Variants in GPHN observed in about 807,000 individuals in gnomAD.
GPHN encodes the protein gephyrin.
In GPHN, 17 loss-of-function variants were observed where a neutral mutation model predicts 95.5. The ratio of observed to expected loss-of-function variants is 0.18; its 90% CI spans 0.12 to 0.27. The LOEUF is 0.27. GPHN is among the 10% of genes least tolerant of loss of function. GPHN has a pLI of 1.00. For synonymous variants in GPHN, 320 were observed against 322.5 expected, an observed-to-expected ratio of 0.99 and a Z score of 0.08; for missense variants, 660 against 978.1, an observed-to-expected ratio of 0.67 and a Z score of 4.34.
the GPHN span, chr14:67,571,825 C>T: frequency 1.2e-6 from 2 of 1,613,718 alleles, no homozygotes; most frequent in African/African-American, 1.3e-5. Flanking sequence ...AGCTCTCAGG[C>T]GAGTTTCCGA....
At chr14:67,014,335 A>AT (rs1211055869) in intron 9 of GPHN, among the ~76,000 whole-genome samples, 6 of 152,146 alleles carry the variant, frequency 3.9e-5, no homozygotes, top group African/African-American at 1.2e-4. Flanking sequence ...ACGTGAAGTT[A>AT]TGACTTATAC....
intron 9 of GPHN, among the ~76,000 whole-genome samples, chr14:67,015,707 A>G (rs905892710): frequency 6.6e-6 from 1 of 152,162 alleles, no homozygotes. Flanking sequence ...GGGAAAAAAA[A>G]TACAAATAAA....
the GPHN span, chr14:67,593,331 CAT>C: frequency 3.3e-5 from 7 of 213,450 alleles, no homozygotes; most frequent in Admixed American, 1.6e-4. Context: ...CTCTGCAAAA[CAT>C]AGAAAAAACG....
At chr14:67,691,521 CA>C in the GPHN span, 1,435 of 306,174 alleles carry the variant, frequency 4.7e-3, 51 homozygotes, top group East Asian at 0.077. Flanking sequence ...GGAATTGTTG[CA>C]TCCACCTCTC....
Position 66,631,896 on chromosome 14 carries a change from A to AT in GPHN, c.65-49204dup, listed in dbSNP as rs201144026. ...CAGTTTCCTATCATTGCTTCTAAAC[A>AT]TTTTTTTCTTTTTAAATCTTGCTAT... On this transcript the variant is annotated intron_variant, in intron 1 of 22. Coordinates refer to ENST00000478722, the MANE Select transcript of GPHN (RefSeq NM_020806.5). 4.9e-3 allele frequency among the ~76,000 whole-genome samples: 747 copies of AT among 151,994 alleles called. 21 individuals are homozygous for AT. The East Asian group carries it at 0.064, about 13-fold the overall frequency.
chr14:66,686,892 A>G (rs2067401294), intron 2 of GPHN, among the ~76,000 whole-genome samples: 1 of 152,132 alleles, frequency 6.6e-6, no homozygotes, highest in Admixed American at 6.5e-5. Flanking sequence ...TGGGTTTGTC[A>G]TAAATAGCTA....
chr14:67,012,293 G>A (rs1273009332), intron 9 of GPHN, among the ~76,000 whole-genome samples: 1 of 152,152 alleles, frequency 6.6e-6, no homozygotes. Context: ...TGAAATCATA[G>A]CTTTAATGCA....
At chr14:67,165,094 C>T (rs2082198629) in intron 19 of GPHN, 68 bp from the exon 20 acceptor site, 4 of 1,040,888 alleles carry the variant, frequency 3.8e-6, no homozygotes, top group Admixed American at 1.7e-5. Context: ...TACAAAAACA[C>T]TGGAGTACTT....
chr14:66,892,749 G>A (rs888337299), intron 5 of GPHN, among the ~76,000 whole-genome samples: 8 of 152,140 alleles, frequency 5.3e-5, no homozygotes, highest in African/African-American at 1.9e-4. Context: ...GCTTATGAGT[G>A]GATAGCGAGA....
intron 1 of GPHN, among the ~76,000 whole-genome samples, chr14:66,666,994 C>A (rs1164241473): frequency 1.3e-5 from 2 of 152,114 alleles, no homozygotes; most frequent in African/African-American, 4.8e-5. Context: ...ACATGAACAA[C>A]AGTACAAGTG....
At chr14:67,146,847 A>C (rs2080926343) in intron 18 of GPHN, among the ~76,000 whole-genome samples, 1 of 152,216 alleles carries the variant, frequency 6.6e-6, no homozygotes, top group African/African-American at 2.4e-5. Context: ...CAGCCTGGCC[A>C]ACATGGCAAA....
chr14:67,375,861 G>T, the GPHN span, among the ~76,000 whole-genome samples: 1 of 152,074 alleles, frequency 6.6e-6, no homozygotes, highest in African/African-American at 2.4e-5. Context: ...GTCTCCTTAG[G>T]ATATTGTTAA....
chr14:67,205,030 T>C, the GPHN span: 2 of 1,552,770 alleles, frequency 1.3e-6, no homozygotes, highest in Non-Finnish European at 1.7e-6. Flanking sequence ...TACAAACTGC[T>C]CGGGAGTCAC....
At chr14:66,763,760 G>C (rs1429507951) in intron 2 of GPHN, among the ~76,000 whole-genome samples, 1 of 152,010 alleles carries the variant, frequency 6.6e-6, no homozygotes, top group Admixed American at 6.5e-5. Context: ...TGGCTGGTTG[G>C]GAACCAGGTC....
the GPHN span, chr14:67,374,508 A>G: frequency 5.0e-5 from 80 of 1,608,346 alleles, no homozygotes; most frequent in Non-Finnish European, 6.5e-5. Context: ...CTCCAGAGGA[A>G]GCAATCAAAT....
the GPHN span, chr14:67,201,440 C>G: frequency 2.2e-6 from 1 of 455,992 alleles, no homozygotes; most frequent in Non-Finnish European, 4.4e-6. Flanking sequence ...GCCAGCTCCC[C>G]TCAGGGCCTC....
intron 17 of GPHN, among the ~76,000 whole-genome samples, chr14:67,132,948 T>G (rs1275674578): frequency 6.6e-6 from 1 of 152,004 alleles, no homozygotes; most frequent in Admixed American, 6.6e-5. Flanking sequence ...CACTCATTTT[T>G]CTAACTTTTT....
At chr14:67,341,362 C>T in the GPHN span, among the ~76,000 whole-genome samples, 237 of 151,734 alleles carry the variant, frequency 1.6e-3, no homozygotes, top group Non-Finnish European at 2.3e-3. Context: ...ACCCGGCAGC[C>T]GCCCCATCTG....
the GPHN span, among the ~76,000 whole-genome samples, chr14:67,481,908 G>A: frequency 7.2e-5 from 11 of 152,238 alleles, no homozygotes; most frequent in South Asian, 2.1e-3. Context: ...CCTGTGACAT[G>A]AAGATAGGAC....
Sources: allele counts gnomAD v4.1 joint callset (sites outside exome capture counted in the v4.1 genomes callset), GRCh38; gene constraint gnomAD v4.1.1; transcripts MANE v1.5; gene names NCBI Gene and HGNC (gene_info 2026-07-23, HGNC 2026-07-21).